PCED1B: variants seen among roughly 807,000 people sequenced by gnomAD.
The protein encoded by PCED1B is PC-esterase domain-containing protein 1B.
For missense variants in PCED1B, 573 were observed against 573.9 expected, an observed-to-expected ratio of 1.00 and a Z score of 0.02; for synonymous variants, 251 against 246.1, an observed-to-expected ratio of 1.02 and a Z score of -0.19.
At chr12:47,179,213 T>C (rs537682654) in intron 2 of PCED1B, among the ~76,000 whole-genome samples, 7 of 152,326 alleles carry the variant, frequency 4.6e-5, no homozygotes, top group East Asian at 1.9e-4. Context: ...GAAAGGCTCA[T>C]ACAAGACCTT....
chr12:47,126,529 G>A lies in PCED1B; in HGVS notation c.-526+22334G>A, dbSNP rs117701509. Among the ~76,000 whole-genome samples, 1,393 of 152,218 alleles carry A rather than the reference G, an allele frequency of 9.2e-3. 28 individuals are homozygous for A. The highest frequency in any genetic ancestry group is 0.076 in the East Asian group (395 of 5,182). On this transcript the variant is annotated intron_variant, in intron 2 of 3. Transcript: ENST00000546455. ...ACGCTGGCCTGCTATGAGTTGGGAA[G>A]TATTTATTCCCCAGTAATTCCTCTG...
intron 1 of PCED1B, among the ~76,000 whole-genome samples, chr12:47,080,507 G>A (rs1937644312): frequency 6.6e-6 from 1 of 152,210 alleles, no homozygotes; most frequent in Non-Finnish European, 1.5e-5. Flanking sequence ...AGGTCGCGGG[G>A]AGGGAAGTCG....
chr12:47,088,390 G>T (rs556958577), intron 1 of PCED1B, among the ~76,000 whole-genome samples: 2 of 152,210 alleles, frequency 1.3e-5, no homozygotes, highest in South Asian at 4.2e-4. Context: ...TCTCCATGGT[G>T]CTCTCTCTCA....
At chr12:47,119,191 G>T (rs979672323) in intron 2 of PCED1B, among the ~76,000 whole-genome samples, 4 of 151,706 alleles carry the variant, frequency 2.6e-5, no homozygotes, top group African/African-American at 9.7e-5. Context: ...ACATGCAAAA[G>T]AATAAAATAA....
intron 3 of PCED1B, among the ~76,000 whole-genome samples, chr12:47,217,653 C>T (rs1201237190): frequency 3.3e-5 from 5 of 151,848 alleles, no homozygotes; most frequent in South Asian, 4.2e-4. Context: ...CTCTGCTCAC[C>T]GCAACCTCCG....
At chr12:47,198,654 T>C (rs1204100412) in intron 2 of PCED1B, among the ~76,000 whole-genome samples, 1 of 151,244 alleles carries the variant, frequency 6.6e-6, no homozygotes, top group Non-Finnish European at 1.5e-5. Flanking sequence ...TGTTCACAGA[T>C]GACGTGATTA....
intron 2 of PCED1B, chr12:47,208,794 G>A (rs1942989872): frequency 6.6e-6 from 1 of 152,176 alleles, no homozygotes; most frequent in Admixed American, 6.6e-5. Context: ...GCGTGAGGCT[G>A]TTTTGATTTC....
chr12:47,177,156 G>T (rs2137582355), intron 2 of PCED1B, among the ~76,000 whole-genome samples: 1 of 152,268 alleles, frequency 6.6e-6, no homozygotes, highest in Non-Finnish European at 1.5e-5. Context: ...CAGGGAAGGG[G>T]ATGCTATCCA....
At chr12:47,186,839 C>A (rs1316635462) in intron 2 of PCED1B, among the ~76,000 whole-genome samples, 1 of 152,144 alleles carries the variant, frequency 6.6e-6, no homozygotes, top group Admixed American at 6.5e-5. Context: ...AGCACAAAAT[C>A]TTGTCTTTAC....
intron 2 of PCED1B, among the ~76,000 whole-genome samples, chr12:47,165,823 C>T (rs1050753987): frequency 7.9e-5 from 12 of 151,966 alleles, no homozygotes; most frequent in African/African-American, 2.9e-4. Context: ...GTCCTCTATT[C>T]AATTAAAAGT....
intron 2 of PCED1B, among the ~76,000 whole-genome samples, chr12:47,110,440 G>T (rs1326855426): frequency 1.3e-5 from 2 of 152,186 alleles, no homozygotes; most frequent in Admixed American, 1.3e-4. Flanking sequence ...CACCCAGGAA[G>T]TGTTTGGTAA....
At chr12:47,215,766 G>T (rs1275248281) in intron 2 of PCED1B, among the ~76,000 whole-genome samples, 4 of 152,034 alleles carry the variant, frequency 2.6e-5, no homozygotes, top group African/African-American at 9.7e-5. Flanking sequence ...ATTTAAAAGC[G>T]GTTTGTGGCC....
chr12:47,212,882 G>A (rs1943136280), intron 2 of PCED1B, among the ~76,000 whole-genome samples: 1 of 152,136 alleles, frequency 6.6e-6, no homozygotes, highest in Non-Finnish European at 1.5e-5. Flanking sequence ...TATTAATTTG[G>A]GACTCTGAAC....
At chr12:47,174,197 C>G (rs1179236995) in intron 2 of PCED1B, among the ~76,000 whole-genome samples, 1 of 151,732 alleles carries the variant, frequency 6.6e-6, no homozygotes, top group African/African-American at 2.4e-5. Flanking sequence ...TCACTTGAGG[C>G]CAAGAATTCA....
rs188180907 is a variant in PCED1B at position 47,160,205 on chromosome 12, A to G, written c.-526+56010A>G. Among the ~76,000 whole-genome samples the G allele has an allele frequency of 2.6e-3, 389 of 149,756 alleles. 2 individuals carry two copies. Among genetic ancestry groups the G allele is most frequent in the African/African-American group, 9.3e-3 (377 of 40,648 alleles). On this transcript the variant is annotated intron_variant, in intron 2 of 3. Coordinates refer to ENST00000546455, the MANE Select transcript of PCED1B (RefSeq NM_138371.3). ...CAGCATTGTTCTTTTTGCTTGCAAA[A>G]TTTTTAAATGTTCATGAAGTCCAAT...
At chr12:47,198,295 T>C in intron 2 of PCED1B, among the ~76,000 whole-genome samples, 1 of 152,212 alleles carries the variant, frequency 6.6e-6, no homozygotes. Context: ...AAGAAAAATG[T>C]ATATGCTCAT....
chr12:47,141,691 A>G (rs1304791403), intron 2 of PCED1B, among the ~76,000 whole-genome samples: 1 of 152,176 alleles, frequency 6.6e-6, no homozygotes, highest in Non-Finnish European at 1.5e-5. Flanking sequence ...ATACCTTCAA[A>G]GAGCCCTGTA....
At chr12:47,228,455 G>T (rs1203169389) in intron 3 of PCED1B, among the ~76,000 whole-genome samples, 1 of 152,152 alleles carries the variant, frequency 6.6e-6, no homozygotes, top group African/African-American at 2.4e-5. Flanking sequence ...AGAGGAGAGG[G>T]TTGCCTGACT....
intron 2 of PCED1B, among the ~76,000 whole-genome samples, chr12:47,107,522 T>C (rs984029710): frequency 5.9e-5 from 9 of 152,314 alleles, no homozygotes; most frequent in Admixed American, 2.6e-4. Flanking sequence ...GAAAGTATAA[T>C]GCATCGAAGT....
Sources: gnomAD v4.1 joint callset for allele counts (sites outside exome capture counted in the v4.1 genomes callset) on GRCh38, gnomAD v4.1.1 for gene constraint, MANE v1.5 for transcripts, NCBI Gene and HGNC (gene_info 2026-07-23, HGNC 2026-07-21) for gene names.